Variants in KSR2 observed in about 807,000 individuals in gnomAD.
KSR2 encodes the protein kinase suppressor of ras 2.
KSR2 carries 25 observed loss-of-function variants against 107.8 expected under a neutral mutation model. The observed-to-expected ratio is 0.23, with a 90% CI of 0.17 to 0.32. The LOEUF (loss-of-function observed/expected upper bound fraction) is 0.32. Among genes scored for constraint, KSR2 ranks in the 10% least tolerant of loss-of-function variants. KSR2 has a pLI of 1.00. For synonymous variants in KSR2, 480 were observed against 507.0 expected (o/e 0.95, Z 0.71); for missense variants, 887 against 1,268.9 (o/e 0.70, Z 4.57).
chr12:117,718,670 C>A (rs1483912140), intron 4 of KSR2, among the ~76,000 whole-genome samples: 3 of 152,146 alleles, frequency 2.0e-5, no homozygotes, highest in Non-Finnish European at 4.4e-5. Context: ...AGCCAGGCAC[C>A]CTGCCATGAA....
rs1367074937 is a variant in KSR2 at position 117,466,484 on chromosome 12, T to A, written c.*715A>T. On this transcript the variant is annotated 3_prime_UTR_variant, in exon 20 of 20. Coordinates refer to ENST00000339824, the MANE Select transcript of KSR2 (RefSeq NM_173598.6). The stretch of plus-strand genomic sequence containing the variant: ...AAAACAGCAGAAATGGGGGAATAGG[T>A]CCCCCAGAGAGACCCAGAACTCAAA... 1 of 151,844 alleles carries A rather than the reference T, an allele frequency of 6.6e-6. No homozygotes were observed. The highest frequency in any genetic ancestry group is 1.5e-5 in the Non-Finnish European group (1 of 67,982). The allele number at this position is 151,844 out of a possible 1,614,324, so 9.4% of individuals were successfully genotyped here.
At chr12:117,634,623 T>C (rs1161966961) in intron 5 of KSR2, among the ~76,000 whole-genome samples, 1 of 152,106 alleles carries the variant, frequency 6.6e-6, no homozygotes, top group Non-Finnish European at 1.5e-5. Context: ...CTCGCATGGC[T>C]AAGAGAACCG....
chr12:117,534,145 C>T (rs937257449), intron 10 of KSR2, among the ~76,000 whole-genome samples: 3 of 151,982 alleles, frequency 2.0e-5, no homozygotes, highest in Non-Finnish European at 2.9e-5. Flanking sequence ...AGCAGCTTCC[C>T]CTCTGGAGCC....
intron 3 of KSR2, among the ~76,000 whole-genome samples, chr12:117,768,605 C>T (rs1433353492): frequency 2.6e-5 from 4 of 151,980 alleles, no homozygotes; most frequent in African/African-American, 7.3e-5. Context: ...GGACAGGGCC[C>T]GGCAGCAGCA....
intron 3 of KSR2, among the ~76,000 whole-genome samples, chr12:117,806,937 C>T (rs938324749): frequency 1.3e-5 from 2 of 152,226 alleles, no homozygotes; most frequent in African/African-American, 4.8e-5. Context: ...AAGAACAAGC[C>T]TCTCACTTCC....
intron 5 of KSR2, among the ~76,000 whole-genome samples, chr12:117,633,073 T>TA (rs1363316680): frequency 1.3e-5 from 2 of 152,200 alleles, no homozygotes; most frequent in Non-Finnish European, 2.9e-5. Context: ...GTACAATTGT[T>TA]AAAAAGCTGG....
chr12:117,924,003 C>T (rs764774269), intron 1 of KSR2, among the ~76,000 whole-genome samples: 5 of 151,108 alleles, frequency 3.3e-5, no homozygotes, highest in Non-Finnish European at 5.9e-5. Flanking sequence ...CTCAGCCTCC[C>T]GAGTAGCTGG....
At chr12:117,577,794 C>T (rs1427005823) in intron 7 of KSR2, among the ~76,000 whole-genome samples, 1 of 152,142 alleles carries the variant, frequency 6.6e-6, no homozygotes, top group African/African-American at 2.4e-5. Flanking sequence ...CAAGTCCCTC[C>T]CATAACATGT....
At chr12:117,855,634 C>G in intron 2 of KSR2, 56 bp from the exon 3 acceptor site, 1 of 1,568,352 alleles carries the variant, frequency 6.4e-7, no homozygotes, top group East Asian at 2.3e-5. Context: ...TCTCTGCCTC[C>G]ACGCTGCCCT....
chr12:117,643,771 T>C (rs1025106640), intron 5 of KSR2, among the ~76,000 whole-genome samples: 19 of 152,072 alleles, frequency 1.2e-4, no homozygotes, highest in African/African-American at 4.4e-4. Flanking sequence ...AGGTATAAGA[T>C]GGGAAAGAGA....
chr12:117,848,805 CAGTGATGGTGGTGGGT>C (rs1593301422), intron 3 of KSR2, among the ~76,000 whole-genome samples: 2 of 148,508 alleles, frequency 1.3e-5, no homozygotes, highest in East Asian at 2.0e-4. Flanking sequence ...GTGGTAACAA[CAGTGATGGTGGTGGGT>C]GGTGATGGTG....
intron 1 of KSR2, among the ~76,000 whole-genome samples, chr12:117,864,621 T>C (rs1395574915): frequency 6.6e-6 from 1 of 152,152 alleles, no homozygotes; most frequent in Non-Finnish European, 1.5e-5. Flanking sequence ...AAGTTTGAAA[T>C]CAAGGTGTCG....
At chr12:117,530,343 T>A (rs1251524010) in intron 12 of KSR2, among the ~76,000 whole-genome samples, 1 of 152,210 alleles carries the variant, frequency 6.6e-6, no homozygotes, top group East Asian at 1.9e-4. Context: ...TAAATATTTT[T>A]GGCTTTGCAA....
chr12:117,947,210 AAAG>A (rs766667121), intron 1 of KSR2, among the ~76,000 whole-genome samples: 6,342 of 87,850 alleles, frequency 0.072, 289 homozygotes, highest in Admixed American at 0.15. Context: ...GAAAGAAAAG[AAAG>A]AAAGAAAGAA....
intron 5 of KSR2, among the ~76,000 whole-genome samples, chr12:117,656,021 C>A (rs1884136823): frequency 6.6e-6 from 1 of 152,158 alleles, no homozygotes; most frequent in Non-Finnish European, 1.5e-5. Context: ...TGCTGAGGTG[C>A]CTGCTGAAGG....
At chr12:117,512,607 T>C (rs930141364) in intron 14 of KSR2, among the ~76,000 whole-genome samples, 1 of 152,170 alleles carries the variant, frequency 6.6e-6, no homozygotes, top group Non-Finnish European at 1.5e-5. Flanking sequence ...AATCCATGCC[T>C]TCTAATACCC....
intron 4 of KSR2, among the ~76,000 whole-genome samples, chr12:117,693,052 T>C (rs2136581031): frequency 6.6e-6 from 1 of 152,314 alleles, no homozygotes; most frequent in African/African-American, 2.4e-5. Context: ...TCTCACGTTA[T>C]GTGAATTTCC....
chr12:117,604,093 C>T lies in KSR2; in HGVS notation c.1172-21734G>A, dbSNP rs1011630225. On this transcript the variant is annotated intron_variant, in intron 5 of 19. Coordinates refer to ENST00000339824, the MANE Select transcript of KSR2 (RefSeq NM_173598.6). ...AAAACTCTACCTTCAGATCAAACAC[C>T]GCCATTTTTTTGACATGGGACCCTT... 2.9e-4 allele frequency among the ~76,000 whole-genome samples: 44 copies of T among 152,164 alleles called. 1 individual carries two copies. Among genetic ancestry groups the T allele is most frequent in the African/African-American group, 9.7e-4 (40 of 41,430 alleles).
At chr12:117,776,751 G>A (rs1398414222) in intron 3 of KSR2, among the ~76,000 whole-genome samples, 2 of 151,874 alleles carry the variant, frequency 1.3e-5, no homozygotes, top group African/African-American at 4.8e-5. Context: ...ACACAGCTCT[G>A]AGGATCTCAT....
Sources: allele counts gnomAD v4.1 joint callset (sites outside exome capture counted in the v4.1 genomes callset), GRCh38; gene constraint gnomAD v4.1.1; transcripts MANE v1.5; gene names NCBI Gene and HGNC (gene_info 2026-07-23, HGNC 2026-07-21).